Variants in AKAP6 observed in about 807,000 individuals in gnomAD.
The protein encoded by AKAP6 is A-kinase anchor protein 6.
AKAP6 carries 58 observed loss-of-function variants against 188.5 expected under a neutral mutation model. The observed-to-expected ratio is 0.31, with a 90% CI of 0.25 to 0.38. The LOEUF is 0.38. Among genes scored for constraint, AKAP6 ranks in the 10% least tolerant of loss-of-function variants. The pLI is 1.00. For missense variants in AKAP6, 2,710 were observed against 2,740.0 expected (o/e 0.99, Z 0.24); for synonymous variants, 989 against 998.6 (o/e 0.99, Z 0.18).
At chr14:32,803,261 T>C (rs576921094) in intron 12 of AKAP6, among the ~76,000 whole-genome samples, 29 of 148,192 alleles carry the variant, frequency 2.0e-4, no homozygotes, top group African/African-American at 6.5e-4. Context: ...CTGGCCAACA[T>C]GGGGAAACCC....
At chr14:32,511,668 T>C (rs897530641) in intron 2 of AKAP6, among the ~76,000 whole-genome samples, 2 of 152,184 alleles carry the variant, frequency 1.3e-5, no homozygotes, top group African/African-American at 2.4e-5. Context: ...GTATTAACTA[T>C]TGATAACCCC....
At chr14:32,333,190 A>G (rs923205212) in intron 1 of AKAP6, among the ~76,000 whole-genome samples, 23 of 152,176 alleles carry the variant, frequency 1.5e-4, no homozygotes, top group African/African-American at 5.3e-4. Context: ...GAAAGCATCA[A>G]AGCTGCTAGG....
intron 12 of AKAP6, among the ~76,000 whole-genome samples, chr14:32,794,490 G>A (rs2033703697): frequency 6.6e-6 from 1 of 152,140 alleles, no homozygotes; most frequent in Non-Finnish European, 1.5e-5. Context: ...AACCCAGGAG[G>A]CAGATATTGC....
intron 7 of AKAP6, among the ~76,000 whole-genome samples, chr14:32,634,171 C>T (rs1457676923): frequency 1.3e-5 from 2 of 151,964 alleles, no homozygotes; most frequent in Non-Finnish European, 2.9e-5. Flanking sequence ...AGCTGGGTAA[C>T]CTTGAACAAG....
rs374271792 is a variant in AKAP6, at chr14:32,579,417, ATCT to A, written c.2469+2180_2469+2182del. 3.9e-3 allele frequency among the ~76,000 whole-genome samples: 597 copies of A among 152,282 alleles called. 2 individuals carry two copies. Among genetic ancestry groups the A allele is most frequent in the African/African-American group, 0.013 (532 of 41,564 alleles). ...GATTGGAATAGAGATATCATAGAAC[ATCT>A]TCTTTATTTCTACTTTGCAAATAGT... On this transcript the variant is annotated intron_variant, in intron 5 of 13. Coordinates refer to ENST00000280979, the MANE Select transcript of AKAP6 (RefSeq NM_004274.5).
intron 7 of AKAP6, among the ~76,000 whole-genome samples, chr14:32,657,936 A>G (rs1442957052): frequency 1.3e-5 from 2 of 152,178 alleles, no homozygotes; most frequent in Non-Finnish European, 2.9e-5. Flanking sequence ...ATATTTAACA[A>G]AAGTCATCCT....
chr14:32,677,282 G>C (rs1304760863), intron 7 of AKAP6, among the ~76,000 whole-genome samples: 1 of 152,220 alleles, frequency 6.6e-6, no homozygotes. Context: ...TGGATACTAA[G>C]AGTAGAAGGT....
rs1407016574 is a variant in AKAP6 at position 32,791,944 on chromosome 14, T to A, written c.3588+18051T>A. On this transcript the variant is annotated intron_variant, in intron 12 of 13. Transcript: ENST00000280979. ...TCAGATGGTTTTAGATGTGTGGTGT[T>A]ATTTCTGAGGCCTCTGTTCTTTTCT... is the stretch of plus-strand genomic sequence containing the variant. Among the ~76,000 whole-genome samples, 6 of 152,300 alleles carry A rather than the reference T, an allele frequency of 3.9e-5. No homozygotes were observed. The East Asian group carries it at 1.2e-3, about 29-fold the overall frequency.
intron 12 of AKAP6, among the ~76,000 whole-genome samples, chr14:32,815,881 C>T (rs2034365796): frequency 6.6e-6 from 1 of 152,180 alleles, no homozygotes; most frequent in Non-Finnish European, 1.5e-5. Flanking sequence ...CCAAGATAAA[C>T]AAATGATGGA....
At chr14:32,518,211 C>A (rs1441141042) in intron 2 of AKAP6, among the ~76,000 whole-genome samples, 1 of 152,124 alleles carries the variant, frequency 6.6e-6, no homozygotes, top group Non-Finnish European at 1.5e-5. Flanking sequence ...CATCAAAGAC[C>A]AAAGGTAGAC....
chr14:32,587,800 G>C (rs1488185041), intron 5 of AKAP6, among the ~76,000 whole-genome samples: 2 of 152,202 alleles, frequency 1.3e-5, no homozygotes, highest in East Asian at 3.9e-4. Context: ...AAAGGATGCA[G>C]AAATTGCTGA....
chr14:32,700,105 G>T (rs189155582), intron 9 of AKAP6, among the ~76,000 whole-genome samples: 1,664 of 152,324 alleles, frequency 0.011, 10 homozygotes, highest in Admixed American at 0.02. Flanking sequence ...GTTATAGACT[G>T]AGTGACCTAG....
intron 1 of AKAP6, among the ~76,000 whole-genome samples, chr14:32,374,002 C>A (rs1260033427): frequency 6.6e-6 from 1 of 152,192 alleles, no homozygotes; most frequent in Non-Finnish European, 1.5e-5. Context: ...ATAGTAAAAA[C>A]CCCTGGCGTA....
intron 1 of AKAP6, among the ~76,000 whole-genome samples, chr14:32,332,687 C>G (rs1886568120): frequency 6.6e-6 from 1 of 152,046 alleles, no homozygotes; most frequent in African/African-American, 2.4e-5. Flanking sequence ...TGCTGTTGCA[C>G]CAGGTTCTGT....
chr14:32,552,257 T>C (rs1012275838), intron 4 of AKAP6, among the ~76,000 whole-genome samples: 2 of 152,216 alleles, frequency 1.3e-5, no homozygotes, highest in African/African-American at 4.8e-5. Flanking sequence ...CAGGCCACCA[T>C]CTGTTTTATT....
intron 9 of AKAP6, among the ~76,000 whole-genome samples, chr14:32,728,561 C>G (rs1222292643): frequency 6.6e-6 from 1 of 152,060 alleles, no homozygotes. Context: ...TCAACTGAAG[C>G]TCAGTTAAAA....
At chr14:32,650,615 T>TA (rs988617192) in intron 7 of AKAP6, among the ~76,000 whole-genome samples, 3 of 151,736 alleles carry the variant, frequency 2.0e-5, no homozygotes, top group African/African-American at 7.3e-5. Flanking sequence ...TGTTTAAAAA[T>TA]AAAAAAATAA....
At chr14:32,515,742 A>T (rs1004726972) in intron 2 of AKAP6, among the ~76,000 whole-genome samples, 2 of 152,150 alleles carry the variant, frequency 1.3e-5, no homozygotes, top group Non-Finnish European at 2.9e-5. Flanking sequence ...TTTGCTTCAT[A>T]TATTCTTTTC....
chr14:32,704,654 G>A (rs1452687841), intron 9 of AKAP6, among the ~76,000 whole-genome samples: 1 of 152,098 alleles, frequency 6.6e-6, no homozygotes, highest in Non-Finnish European at 1.5e-5. Flanking sequence ...TTTACAGACA[G>A]CTATGGTATG....
Sources: allele counts gnomAD v4.1 joint callset (sites outside exome capture counted in the v4.1 genomes callset), GRCh38; gene constraint gnomAD v4.1.1; transcripts MANE v1.5; gene names NCBI Gene and HGNC (gene_info 2026-07-23, HGNC 2026-07-21).